Variants in UQCRC2 observed in about 807,000 individuals in gnomAD.
UQCRC2 encodes the protein ubiquinol-cytochrome c reductase core protein 2.
Under a neutral mutation model 55.6 loss-of-function variants are expected in UQCRC2, and 49 were observed. The ratio of observed to expected loss-of-function variants is 0.88; its 90% CI spans 0.70 to 1.12. The LOEUF is 1.12. Ranked by LOEUF, UQCRC2 falls within the 50% of genes most tolerant of loss-of-function variation. UQCRC2 has a pLI of 0.00. For missense variants in UQCRC2, 506 were observed against 547.8 expected, an observed-to-expected ratio of 0.92 and a Z score of 0.76; for synonymous variants, 193 against 192.0, an observed-to-expected ratio of 1.01 and a Z score of -0.04.
intron 11 of UQCRC2, 131 bp downstream of exon 11, chr16:21,974,107 A>C: frequency 1.4e-6 from 1 of 739,412 alleles, no homozygotes; most frequent in Non-Finnish European, 2.1e-6. Flanking sequence ...GTATAGTATG[A>C]TGTCATTGAA....
At chr16:21,979,910 G>C (rs1016758282) in intron 12 of UQCRC2, among the ~76,000 whole-genome samples, 5 of 152,008 alleles carry the variant, frequency 3.3e-5, no homozygotes, top group Non-Finnish European at 5.9e-5. Flanking sequence ...CTTGAATTTC[G>C]ATCTTTTCCT....
Position 21,969,531 on chromosome 16 carries a change from C to CA in UQCRC2, c.670+853dup, listed in dbSNP as rs201925505. Among the ~76,000 whole-genome samples the CA allele has an allele frequency of 8.1e-4, 123 of 151,834 alleles. 1 individual carries two copies. The East Asian group carries it at 0.022, about 27-fold the overall frequency. ...AGGGCGACAGAGTGAGACTCTGTCT[C>CA]AAAAAAATACAATTCCAAATGTTTA... On this transcript the variant is annotated intron_variant, in intron 8 of 13. Coordinates refer to ENST00000268379, the MANE Select transcript of UQCRC2 (RefSeq NM_003366.4).
chr16:21,953,804 A>C (rs1597947218), intron 1 of UQCRC2, among the ~76,000 whole-genome samples: 4 of 152,058 alleles, frequency 2.6e-5, no homozygotes, highest in Admixed American at 2.6e-4. Context: ...TTAGCCCCCC[A>C]CCTTCACTTT....
chr16:21,955,829 C>CT (rs34469795), intron 1 of UQCRC2, among the ~76,000 whole-genome samples: 14,147 of 149,512 alleles, frequency 0.095, 823 homozygotes, highest in South Asian at 0.27. Context: ...TTGTCTTTTT[C>CT]TTTTTTTTTT....
chr16:21,956,868 G>C (rs955391527), intron 1 of UQCRC2, among the ~76,000 whole-genome samples: 3 of 152,076 alleles, frequency 2.0e-5, no homozygotes, highest in African/African-American at 7.2e-5. Flanking sequence ...TTCAAGACCA[G>C]CTTGGCCAAC....
chr16:21,957,126 C>T (rs1898098282), intron 1 of UQCRC2, 109 bp from the exon 2 acceptor site: 5 of 990,720 alleles, frequency 5.0e-6, no homozygotes, highest in East Asian at 2.6e-5. Flanking sequence ...GTTATTGCTC[C>T]TTCCACCCCC....
chr16:21,962,279 G>A lies in UQCRC2; in HGVS notation c.333-181G>A, dbSNP rs1898222785. On this transcript the variant is annotated intron_variant, in intron 4 of 13. Coordinates refer to ENST00000268379, the MANE Select transcript of UQCRC2 (RefSeq NM_003366.4). ...CACTCCTTTTAAGGTTGAATTATTT[G>A]CTGGTTTTTAAAAAAATTTTGAATT... 4.8e-6 allele frequency: 3 copies of A among 631,230 alleles called. No homozygotes were observed. The Admixed American group carries it at 8.8e-5, about 18-fold the overall frequency. The allele number at this position is 631,230 out of a possible 1,614,324, so 39.1% of individuals were successfully genotyped here.
chr16:21,975,558 T>C (rs1898562209), intron 11 of UQCRC2, among the ~76,000 whole-genome samples: 1 of 152,166 alleles, frequency 6.6e-6, no homozygotes, highest in Admixed American at 6.5e-5. Context: ...TCAACAAATA[T>C]TTACCAAGTA....
chr16:21,971,661 C>A, intron 9 of UQCRC2, 41 bp downstream of exon 9: 1 of 1,582,334 alleles, frequency 6.3e-7, no homozygotes, highest in Non-Finnish European at 8.7e-7. Context: ...ATCAGAAGGG[C>A]GTTTCCCCAC....
chr16:21,957,933 C>T (rs1898117979), intron 3 of UQCRC2, among the ~76,000 whole-genome samples: 1 of 152,188 alleles, frequency 6.6e-6, no homozygotes, highest in Admixed American at 6.6e-5. Flanking sequence ...GGCCTTCCTT[C>T]TGTCTGTGTC....
At chr16:21,971,693 A>T in intron 9 of UQCRC2, 73 bp downstream of exon 9, 1 of 1,454,026 alleles carries the variant, frequency 6.9e-7, no homozygotes. Context: ...ATTGAGGTGG[A>T]ATAGGCCTGA....
chr16:21,955,510 T>G (rs1303651081), intron 1 of UQCRC2, among the ~76,000 whole-genome samples: 4 of 152,190 alleles, frequency 2.6e-5, no homozygotes, highest in African/African-American at 9.7e-5. Flanking sequence ...CTCATGAACT[T>G]TAGTCATAAT....
At chr16:21,955,477 C>T (rs1363509585) in intron 1 of UQCRC2, among the ~76,000 whole-genome samples, 1 of 152,202 alleles carries the variant, frequency 6.6e-6, no homozygotes, top group African/African-American at 2.4e-5. Flanking sequence ...AAATTTTATT[C>T]ACTCATCATC....
rs951641236 is a variant in UQCRC2 at position 21,964,943 on chromosome 16, A to G, written c.515-465A>G. Among the ~76,000 whole-genome samples the G allele has an allele frequency of 5.9e-5, 9 of 152,344 alleles. No individual in the cohort carries two copies. The South Asian group carries it at 1.9e-3, about 32-fold the overall frequency. ...GGGAAAGCACCAAGCACCACAGAGG[A>G]GTAAGTCCCAGTGGAAGCTCCCATT... On this transcript the variant is annotated intron_variant, in intron 6 of 13. Coordinates refer to ENST00000268379, the MANE Select transcript of UQCRC2 (RefSeq NM_003366.4).
intron 8 of UQCRC2, among the ~76,000 whole-genome samples, chr16:21,969,166 A>G (rs1332319336): frequency 6.6e-6 from 1 of 152,216 alleles, no homozygotes; most frequent in Non-Finnish European, 1.5e-5. Context: ...GTATGGAGAA[A>G]TAGGCACTCT....
rs780598870 is a variant in UQCRC2 at position 21,971,912 on chromosome 16, T to C, written c.767-11T>C. 1 of 1,613,500 alleles carries C rather than the reference T, an allele frequency of 6.2e-7. No homozygotes were observed. The highest frequency in any genetic ancestry group is 8.5e-7 in the Non-Finnish European group (1 of 1,180,018). On this transcript the variant is annotated splice_polypyrimidine_tract_variant and intron_variant, in intron 9 of 13. Coordinates refer to ENST00000268379, the MANE Select transcript of UQCRC2 (RefSeq NM_003366.4). ...ATTTTCTTCTTCCCTCTATCCTTAATCTGGCCCCAGGTGAAATCCGAGAAC... is the reference window on the plus strand; with the variant it reads ...ATTTTCTTCTTCCCTCTATCCTTAACCTGGCCCCAGGTGAAATCCGAGAAC...
Position 21,957,424 on chromosome 16 carries a change from A to G in UQCRC2, c.125A>G (p.Lys42Arg), listed in dbSNP as rs1278595739. 1 of 1,614,122 alleles carries G rather than the reference A, an allele frequency of 6.2e-7. No homozygotes were observed. Among genetic ancestry groups the G allele is most frequent in the Non-Finnish European group, 8.5e-7 (1 of 1,180,008 alleles). The change falls in exon 3 of 14, where the codon AAG becomes AGG. Residue 42 changes from lysine to arginine, a missense_variant. Lys to Arg is a conservative substitution (Grantham distance 26). Transcript: ENST00000268379. ...PPQPQDLEFT[K>R]LPNGLVIASL... ...ACTTTATTTTAAATACAGTTTACCA[A>G]GTTACCAAATGGCTTGGTGATTGCT...
At chr16:21,954,892 A>C (rs1012729744) in intron 1 of UQCRC2, among the ~76,000 whole-genome samples, 1 of 150,720 alleles carries the variant, frequency 6.6e-6, no homozygotes, top group Admixed American at 6.6e-5. Flanking sequence ...AAAAATACAA[A>C]AAAAAAAAAA....
At chr16:21,975,563 C>G (rs1330288249) in intron 11 of UQCRC2, among the ~76,000 whole-genome samples, 1 of 152,094 alleles carries the variant, frequency 6.6e-6, no homozygotes, top group Non-Finnish European at 1.5e-5. Context: ...AAATATTTAC[C>G]AAGTACCCAC....
Sources: gnomAD v4.1 joint callset for allele counts (sites outside exome capture counted in the v4.1 genomes callset) on GRCh38, gnomAD v4.1.1 for gene constraint, MANE v1.5 for transcripts, NCBI Gene and HGNC (gene_info 2026-07-23, HGNC 2026-07-21) for gene names.